SUCLG2: variants seen among roughly 807,000 people sequenced by gnomAD.
The protein encoded by SUCLG2 is succinate-CoA ligase GDP-forming subunit beta, also known as succinate--CoA ligase [GDP-forming] subunit beta, mitochondrial.
In SUCLG2, 42 loss-of-function variants were observed where a neutral mutation model predicts 47.9. That is an observed-to-expected ratio of 0.88 (90% CI 0.69 to 1.14). SUCLG2 has a LOEUF of 1.14. Among genes scored for constraint, SUCLG2 ranks in the 50% most tolerant of loss-of-function variants. SUCLG2 has a pLI of 0.00. For synonymous variants in SUCLG2, 195 were observed against 197.3 expected, an observed-to-expected ratio of 0.99 and a Z score of 0.10; for missense variants, 571 against 525.9, an observed-to-expected ratio of 1.09 and a Z score of -0.84.
downstream of SUCLG2, among the ~76,000 whole-genome samples, chr3:67,373,766 CCTCT>C (rs975264361): frequency 3.3e-5 from 5 of 152,048 alleles, no homozygotes; most frequent in African/African-American, 7.2e-5. Flanking sequence ...CCCTCTGCTC[CCTCT>C]CTCTTTCTCT....
intron 4 of SUCLG2, among the ~76,000 whole-genome samples, chr3:67,522,042 T>TTATC (rs1228232780): frequency 1.3e-5 from 2 of 151,538 alleles, no homozygotes; most frequent in Admixed American, 6.6e-5. Flanking sequence ...ATTTATTTAT[T>TTATC]TATCTATTTA....
intron 2 of SUCLG2, among the ~76,000 whole-genome samples, chr3:67,591,683 T>C (rs1708170563): frequency 6.6e-6 from 1 of 152,134 alleles, no homozygotes; most frequent in African/African-American, 2.4e-5. Context: ...TAAGTCCAAT[T>C]AAATCTTTTT....
At chr3:67,415,720 C>T (rs1398653175) in intron 9 of SUCLG2, among the ~76,000 whole-genome samples, 2 of 152,220 alleles carry the variant, frequency 1.3e-5, no homozygotes, top group Admixed American at 6.5e-5. Context: ...GACAAATCCT[C>T]CCTTGAAGAT....
At chr3:67,457,531 T>C (rs1243084400) in intron 9 of SUCLG2, among the ~76,000 whole-genome samples, 1 of 152,140 alleles carries the variant, frequency 6.6e-6, no homozygotes, top group African/African-American at 2.4e-5. Context: ...GAATTTATTC[T>C]ACCCTCCTAC....
chr3:67,618,908 T>C (rs1484295787), intron 1 of SUCLG2, among the ~76,000 whole-genome samples: 1 of 152,212 alleles, frequency 6.6e-6, no homozygotes, highest in Non-Finnish European at 1.5e-5. Context: ...ACTTGAGTTA[T>C]TCTTCACAGG....
At chr3:67,383,823 AC>A (rs1318550370) in intron 10 of SUCLG2, among the ~76,000 whole-genome samples, 1 of 152,064 alleles carries the variant, frequency 6.6e-6, no homozygotes, top group Non-Finnish European at 1.5e-5. Context: ...AATGGAATGA[AC>A]CCTCTGGCAA....
At chr3:67,492,886 G>A (rs1024200874) in intron 9 of SUCLG2, among the ~76,000 whole-genome samples, 1 of 152,216 alleles carries the variant, frequency 6.6e-6, no homozygotes, top group African/African-American at 2.4e-5. Flanking sequence ...CTGACATCAT[G>A]AGTGGAAATA....
intron 9 of SUCLG2, among the ~76,000 whole-genome samples, chr3:67,449,689 A>G (rs1481459925): frequency 6.6e-6 from 1 of 150,724 alleles, no homozygotes; most frequent in Non-Finnish European, 1.5e-5. Context: ...GACCTCGCTC[A>G]CTGGAGCTTC....
At chr3:67,450,270 G>A (rs2065742776) in intron 9 of SUCLG2, among the ~76,000 whole-genome samples, 1 of 152,094 alleles carries the variant, frequency 6.6e-6, no homozygotes, top group Non-Finnish European at 1.5e-5. Context: ...TCGAACACCT[G>A]GGCTGAAGCG....
At chr3:67,508,171 A>G (rs913475740) in intron 7 of SUCLG2, among the ~76,000 whole-genome samples, 2 of 152,180 alleles carry the variant, frequency 1.3e-5, no homozygotes, top group Non-Finnish European at 2.9e-5. Flanking sequence ...AAGGTGAAAG[A>G]GTTCAACTGG....
chr3:67,579,322 A>T (rs543408603), intron 2 of SUCLG2, among the ~76,000 whole-genome samples: 5 of 152,144 alleles, frequency 3.3e-5, no homozygotes, highest in Admixed American at 6.5e-5. Context: ...TTAAGTAGAA[A>T]TAAGTTCTCT....
At chr3:67,529,558 A>C (rs1706346950) in intron 2 of SUCLG2, among the ~76,000 whole-genome samples, 1 of 152,212 alleles carries the variant, frequency 6.6e-6, no homozygotes, top group Non-Finnish European at 1.5e-5. Context: ...CCAGTTGGCC[A>C]GTAAGAGGAG....
intron 2 of SUCLG2, among the ~76,000 whole-genome samples, chr3:67,601,335 C>G (rs1708413435): frequency 6.6e-6 from 1 of 152,050 alleles, no homozygotes; most frequent in Non-Finnish European, 1.5e-5. Flanking sequence ...TTATTTTTTA[C>G]TTTTTTGTAA....
intron 6 of SUCLG2, among the ~76,000 whole-genome samples, chr3:67,513,229 T>A (rs1705846435): frequency 6.6e-6 from 1 of 152,198 alleles, no homozygotes; most frequent in Non-Finnish European, 1.5e-5. Flanking sequence ...ATACCACATT[T>A]TGTTTATCCA....
chr3:67,546,827 G>T (rs1706877281), intron 2 of SUCLG2, among the ~76,000 whole-genome samples: 1 of 152,172 alleles, frequency 6.6e-6, no homozygotes, highest in African/African-American at 2.4e-5. Context: ...CTGGAACCGG[G>T]GAGGCAGAGG....
At chr3:67,383,519 T>C (rs182909249) in intron 10 of SUCLG2, among the ~76,000 whole-genome samples, 1 of 152,342 alleles carries the variant, frequency 6.6e-6, no homozygotes, top group East Asian at 1.9e-4. Flanking sequence ...CGATGATTTC[T>C]TCTCGCACAG....
chr3:67,383,651 T>C (rs1209632441), intron 10 of SUCLG2, among the ~76,000 whole-genome samples: 1 of 152,192 alleles, frequency 6.6e-6, no homozygotes, highest in Non-Finnish European at 1.5e-5. Flanking sequence ...TTTCAAAGAA[T>C]GGTGTGTATG....
intron 10 of SUCLG2, among the ~76,000 whole-genome samples, chr3:67,383,589 A>G (rs955683263): frequency 2.0e-5 from 3 of 152,200 alleles, no homozygotes; most frequent in African/African-American, 7.2e-5. Flanking sequence ...TCACAGCAGG[A>G]GCCCCCAGCT....
chr3:67,486,556 G>C (rs1471685171), intron 9 of SUCLG2, among the ~76,000 whole-genome samples: 1 of 152,116 alleles, frequency 6.6e-6, no homozygotes, highest in Non-Finnish European at 1.5e-5. Context: ...GTATGCTTCT[G>C]TTTAAAGACA....
Sources: allele counts gnomAD v4.1 joint callset (sites outside exome capture counted in the v4.1 genomes callset), GRCh38; gene constraint gnomAD v4.1.1; transcripts MANE v1.5; gene names NCBI Gene and HGNC (gene_info 2026-07-23, HGNC 2026-07-21).